Variants in KCNAB2 observed in about 807,000 individuals in gnomAD.
KCNAB2 encodes the protein voltage-gated potassium channel subunit beta-2.
KCNAB2 carries 29 observed loss-of-function variants against 63.6 expected under a neutral mutation model. The observed-to-expected ratio is 0.46, with a 90% CI of 0.34 to 0.62. The LOEUF (loss-of-function observed/expected upper bound fraction) is 0.62, where lower values mean the gene tolerates loss of function less well. Among genes scored for constraint, KCNAB2 ranks in the 20% least tolerant of loss-of-function variants. The pLI is 0.01. For synonymous variants in KCNAB2, 222 were observed against 224.2 expected (o/e 0.99, Z 0.09); for missense variants, 359 against 563.9 (o/e 0.64, Z 3.68).
chr1:6,085,228 C>T lies in KCNAB2; in HGVS notation c.405C>T (p.Ile135=), dbSNP rs368379992. Residue 135 remains isoleucine, a synonymous_variant, in exon 6 of 16, where the codon ATC becomes ATT. Transcript: ENST00000378083. ...AGKAEVVLGN[I]IKKKGWRRSS... is the part of the protein sequence containing the mutation. ...GGGCTGAAGTGGTACTGGGAAACAT[C>T]ATTAAGAAGAAAGGATGGAGGTAAC... The T allele has an allele frequency of 9.3e-6, 15 of 1,613,972 alleles. No homozygotes were observed. The highest frequency in any genetic ancestry group is 1.3e-5 in the Non-Finnish European group (15 of 1,179,958).
intron 1 of KCNAB2, among the ~76,000 whole-genome samples, chr1:6,019,543 A>G (rs1658699904): frequency 6.6e-6 from 1 of 152,108 alleles, no homozygotes. Context: ...TCCAGAGAGA[A>G]ACTGTGCCGA....
upstream of KCNAB2, among the ~76,000 whole-genome samples, chr1:6,032,974 C>G (rs1291148586): frequency 6.6e-6 from 1 of 152,170 alleles, no homozygotes; most frequent in Non-Finnish European, 1.5e-5. Context: ...CATTTGTGAG[C>G]CTTGAATGGA....
chr1:6,037,391 T>C lies in KCNAB2; in HGVS notation c.-53+2597T>C, dbSNP rs1456563301. ...AGGACATCCTGCCTCCCGTGGGCCG[T>C]GTTTGCTTATGCAGCATCCATGGGA... On this transcript the variant is annotated intron_variant, in intron 1 of 15. Transcript: ENST00000164247. Among the ~76,000 whole-genome samples the C allele has an allele frequency of 2.6e-5, 4 of 152,208 alleles. No homozygotes were observed. The East Asian group carries it at 7.7e-4, about 29-fold the overall frequency.
intron 1 of KCNAB2, among the ~76,000 whole-genome samples, chr1:6,008,557 T>C (rs1657960885): frequency 6.9e-6 from 1 of 145,446 alleles, no homozygotes; most frequent in South Asian, 2.1e-4. Context: ...GGTGGCGTGG[T>C]GGAAGTTGCA....
intron 1 of KCNAB2, among the ~76,000 whole-genome samples, chr1:6,019,862 T>A (rs1409712112): frequency 6.6e-6 from 1 of 152,238 alleles, no homozygotes; most frequent in African/African-American, 2.4e-5. Flanking sequence ...TGTCCTCAGA[T>A]GCTCCAGGGA....
chr1:6,092,524 CT>C (rs1362923791), intron 10 of KCNAB2, among the ~76,000 whole-genome samples: 1 of 152,228 alleles, frequency 6.6e-6, no homozygotes, highest in Non-Finnish European at 1.5e-5. Context: ...GCATGTGGAC[CT>C]AAGCCTTGGC....
chr1:6,097,613 AG>A, intron 15 of KCNAB2: 1 of 650,054 alleles, frequency 1.5e-6, no homozygotes, highest in Middle Eastern at 2.5e-4. Flanking sequence ...AGATAAAGGG[AG>A]GGAGCTGGGG....
chr1:6,050,764 C>T (rs1336626924), intron 1 of KCNAB2, among the ~76,000 whole-genome samples: 2 of 152,350 alleles, frequency 1.3e-5, no homozygotes, highest in Admixed American at 6.5e-5. Flanking sequence ...CTTTGAAACT[C>T]CCCTGTCCCA....
At chr1:6,001,638 G>A (rs1273697030) in intron 1 of KCNAB2, among the ~76,000 whole-genome samples, 12 of 152,120 alleles carry the variant, frequency 7.9e-5, no homozygotes, top group African/African-American at 1.7e-4. Context: ...GTCAGGGGAC[G>A]CTTCCCCCCA....
At chr1:6,043,556 C>T (rs538862546), upstream of KCNAB2, among the ~76,000 whole-genome samples, 2 of 152,346 alleles carry the variant, frequency 1.3e-5, no homozygotes, top group African/African-American at 4.8e-5. Context: ...CGTTGGATCT[C>T]CAGGGGGTCA....
rs186761545 is a variant in KCNAB2 at position 6,086,313 on chromosome 1, G to A, written c.425+1065G>A. 7.7e-3 allele frequency: 7,547 copies of A among 981,196 alleles called. 39 individuals are homozygous for A. Among genetic ancestry groups the A allele is most frequent in the Non-Finnish European group, 8.5e-3 (7,069 of 829,298 alleles). The allele number at this position is 981,196 out of a possible 1,614,324, so 60.8% of individuals were successfully genotyped here. A position where few individuals can be genotyped will look rare whatever the true frequency, so the allele number is the denominator to read the frequency against. ...ATCAAATTTGTTTTTTGGCAACTCT[G>A]ATCCCAAAACAAATTCCTCCTCACC... On this transcript the variant is annotated intron_variant, in intron 6 of 15. Coordinates refer to ENST00000378083, the MANE Select transcript of KCNAB2 (RefSeq NM_001199862.2). This position sits in a 1 kb window ranked among gnomAD's most constrained non-coding sequence, Gnocchi z 4.2.
In KCNAB2 at chr1:6,071,401, T is replaced by A. The variant is rs1028314964; in HGVS notation, c.219-1354T>A. ...GCTGGATTCCACAAGGGAAGTGGAATCTGACCCCAGATGGGTCAAGGCCTG... is the reference window on the plus strand; with the variant it reads ...GCTGGATTCCACAAGGGAAGTGGAAACTGACCCCAGATGGGTCAAGGCCTG... On this transcript the variant is annotated intron_variant, in intron 2 of 15. Coordinates refer to ENST00000378083, the MANE Select transcript of KCNAB2 (RefSeq NM_001199862.2). The surrounding 1 kb of genome is among the most constrained non-coding windows in gnomAD (Gnocchi z 8.5). Among the ~76,000 whole-genome samples the A allele has an allele frequency of 6.6e-6, 1 of 152,198 alleles. No homozygotes were observed. The highest frequency in any genetic ancestry group is 1.5e-5 in the Non-Finnish European group (1 of 68,026).
At chr1:5,995,641 A>G (rs1395243055) in intron 1 of KCNAB2, among the ~76,000 whole-genome samples, 1 of 152,188 alleles carries the variant, frequency 6.6e-6, no homozygotes, top group Non-Finnish European at 1.5e-5. Context: ...AGATGGCCCC[A>G]TAGTTAGAGA....
At chr1:6,042,627 A>G (rs1660584351), upstream of KCNAB2, among the ~76,000 whole-genome samples, 1 of 152,062 alleles carries the variant, frequency 6.6e-6, no homozygotes, top group Non-Finnish European at 1.5e-5. Context: ...CAGCCTCCCC[A>G]TGCCTTGGGA....
intron 1 of KCNAB2, among the ~76,000 whole-genome samples, chr1:6,004,974 A>G (rs7540102): frequency 0.25 from 17,572 of 69,722 alleles, 2,206 homozygotes; most frequent in East Asian, 0.44. Context: ...GAGCTGAGGG[A>G]TGAGGGTGCA....
At position 6,087,088 on chromosome 1, in the gene KCNAB2, C is replaced by T. The variant is rs150710633; in HGVS notation, c.426-379C>T. Among the ~76,000 whole-genome samples the T allele has an allele frequency of 2.8e-3, 429 of 152,264 alleles. 2 individuals carry two copies. Among genetic ancestry groups the T allele is most frequent in the Non-Finnish European group, 4.1e-3 (281 of 68,016 alleles). On this transcript the variant is annotated intron_variant, in intron 6 of 15. Transcript: ENST00000378083. The surrounding 1 kb of genome is among the most constrained non-coding windows in gnomAD (Gnocchi z 6.4). ...TGGCCCACACCCGGCCTCCTCCAGC[C>T]TTGGCTCTTGCCACTTCCTCTACCT...
chr1:6,084,583 C>G lies in KCNAB2; in HGVS notation c.381-621C>G, dbSNP rs3789536. 5.3e-5 allele frequency among the ~76,000 whole-genome samples: 8 copies of G among 152,086 alleles called. No homozygotes were observed. The East Asian group carries it at 7.7e-4, about 15-fold the overall frequency. The stretch of plus-strand genomic sequence containing the variant: ...GGAATCCCAGCACTTTGGGAGGCCA[C>G]AGTGGGCGGATCACTCGAGATGAGG... On this transcript the variant is annotated intron_variant, in intron 5 of 15. Transcript: ENST00000378083.
At chr1:6,014,097 C>T (rs1034083171) in intron 1 of KCNAB2, among the ~76,000 whole-genome samples, 2 of 152,228 alleles carry the variant, frequency 1.3e-5, no homozygotes, top group Non-Finnish European at 2.9e-5. Context: ...AATGAACGCA[C>T]GGGAAAGCCC....
chr1:6,059,678 C>G (rs866078590), intron 2 of KCNAB2, among the ~76,000 whole-genome samples: 1 of 152,122 alleles, frequency 6.6e-6, no homozygotes, highest in Non-Finnish European at 1.5e-5. Flanking sequence ...GAGAGGTGCT[C>G]GCTTGGGGCT....
Sources: allele counts gnomAD v4.1 joint callset (sites outside exome capture counted in the v4.1 genomes callset), GRCh38; gene constraint gnomAD v4.1.1; non-coding constraint Gnocchi (gnomAD v3.1); transcripts MANE v1.5; gene names NCBI Gene and HGNC (gene_info 2026-07-23, HGNC 2026-07-21).